SLC25A48: variants seen among roughly 807,000 people sequenced by gnomAD.
SLC25A48 encodes CTC-321K16.1.
Under a neutral mutation model 32.2 loss-of-function variants are expected in SLC25A48, and 29 were observed. The ratio of observed to expected loss-of-function variants is 0.90; its 90% CI spans 0.67 to 1.23. SLC25A48 has a LOEUF of 1.23. Ranked by LOEUF, SLC25A48 falls within the 50% of genes most tolerant of loss-of-function variation. The pLI, the probability that SLC25A48 is intolerant of heterozygous loss-of-function variation, is 0.00. For synonymous variants in SLC25A48, 164 were observed against 172.3 expected (o/e 0.95, Z 0.38); for missense variants, 399 against 422.7 (o/e 0.94, Z 0.49).
chr5:135,793,829 A>G (rs11242292), intron 3 of SLC25A48, among the ~76,000 whole-genome samples: 99,088 of 151,326 alleles, frequency 0.65, 34,397 homozygotes, highest in Non-Finnish European at 0.77. Flanking sequence ...CCATGTGTGT[A>G]CACTCTGGGA....
intron 3 of SLC25A48, among the ~76,000 whole-genome samples, chr5:135,640,738 G>T (rs1752815995): frequency 6.6e-6 from 1 of 151,722 alleles, no homozygotes; most frequent in Non-Finnish European, 1.5e-5. Flanking sequence ...GAACAAAAAA[G>T]AAAAACCATA....
intron 3 of SLC25A48, among the ~76,000 whole-genome samples, chr5:135,737,938 C>G (rs936477579): frequency 1.3e-5 from 2 of 152,190 alleles, no homozygotes; most frequent in African/African-American, 4.8e-5. Flanking sequence ...TCTACAGGAC[C>G]ATCCGAGGAG....
chr5:135,624,922 C>T (rs1301932036), intron 1 of SLC25A48, among the ~76,000 whole-genome samples: 1 of 152,184 alleles, frequency 6.6e-6, no homozygotes, highest in Non-Finnish European at 1.5e-5. Context: ...GATGTGGTTT[C>T]CTTCTCTGTA....
intron 3 of SLC25A48, among the ~76,000 whole-genome samples, chr5:135,752,635 A>G (rs1755796712): frequency 6.6e-6 from 1 of 152,182 alleles, no homozygotes; most frequent in Admixed American, 6.5e-5. Flanking sequence ...ACACAGTGTG[A>G]TATTAGGAGT....
chr5:135,744,007 T>G (rs2127002790), intron 3 of SLC25A48, among the ~76,000 whole-genome samples: 1 of 152,328 alleles, frequency 6.6e-6, no homozygotes, highest in Non-Finnish European at 1.5e-5. Flanking sequence ...AGGATAAGAT[T>G]AATCCTTCCT....
intron 4 of SLC25A48, among the ~76,000 whole-genome samples, chr5:135,815,130 T>C (rs1052560063): frequency 6.6e-6 from 1 of 152,112 alleles, no homozygotes; most frequent in Non-Finnish European, 1.5e-5. Context: ...ATCTGTGAGG[T>C]GGATGTACTC....
chr5:135,761,137 C>CTAAAAA (rs1188843867), intron 3 of SLC25A48, among the ~76,000 whole-genome samples: 36 of 151,914 alleles, frequency 2.4e-4, no homozygotes, highest in African/African-American at 8.2e-4. Flanking sequence ...CCCCCCATCT[C>CTAAAAA]TAAAAATAAA....
At chr5:135,766,839 A>G (rs970052339) in intron 3 of SLC25A48, among the ~76,000 whole-genome samples, 1 of 151,164 alleles carries the variant, frequency 6.6e-6, no homozygotes, top group African/African-American at 2.4e-5. Context: ...ATCTTGCGAT[A>G]TATTTTGTAA....
rs1377156903 is a variant in SLC25A48 at position 135,874,642 on chromosome 5, G to A, written c.813+488G>A. ...CTCTCCCACCTGAGCCCTGACCCCA[G>A]ACCTCTGGTCGTGGCTGAGGAGGCA... On this transcript the variant is annotated intron_variant, in intron 6 of 7. Coordinates refer to ENST00000681962, the MANE Select transcript of SLC25A48 (RefSeq NM_001349336.2). 4.3e-6 allele frequency: 3 copies of A among 697,898 alleles called. No individual in the cohort carries two copies. In the African/African-American group the frequency reaches 5.3e-5, roughly 12 times the overall value. The allele number at this position is 697,898 out of a possible 1,614,324, so 43.2% of individuals were successfully genotyped here.
chr5:135,796,822 G>A (rs938136253), intron 3 of SLC25A48, among the ~76,000 whole-genome samples: 2 of 151,364 alleles, frequency 1.3e-5, no homozygotes, highest in African/African-American at 4.9e-5. Flanking sequence ...AATATTGCAC[G>A]GGTGTGTGCC....
intron 1 of SLC25A48, among the ~76,000 whole-genome samples, chr5:135,602,095 T>C (rs1051108943): frequency 1.2e-4 from 18 of 152,190 alleles, no homozygotes; most frequent in African/African-American, 3.9e-4. Flanking sequence ...TTGTAAATAA[T>C]GTGTACAGAG....
At chr5:135,785,242 C>T (rs945384986) in intron 3 of SLC25A48, among the ~76,000 whole-genome samples, 3 of 152,044 alleles carry the variant, frequency 2.0e-5, no homozygotes, top group African/African-American at 7.2e-5. Flanking sequence ...ATCGTAATGT[C>T]CGGGTGGGGA....
rs191158544 is a variant in SLC25A48 at position 135,598,495 on chromosome 5, G to C, written c.-849+18898G>C. On this transcript the variant is annotated intron_variant, in intron 1 of 10. Transcript: ENST00000646290. ...ATCATGAGGTTCATCAATATGAAAA[G>C]GAAAGCTTCATTTCTTATAAAGGGT... 2.3e-3 allele frequency among the ~76,000 whole-genome samples: 346 copies of C among 152,324 alleles called. 1 individual carries two copies. The highest frequency in any genetic ancestry group is 2.4e-3 in the Non-Finnish European group (160 of 68,034).
chr5:135,799,720 C>T (rs2126641185), intron 3 of SLC25A48, among the ~76,000 whole-genome samples: 1 of 151,794 alleles, frequency 6.6e-6, no homozygotes, highest in South Asian at 2.1e-4. Context: ...TTCCTAATAT[C>T]CGCTGCAGAG....
At chr5:135,799,883 T>C (rs1015249993) in intron 3 of SLC25A48, among the ~76,000 whole-genome samples, 3 of 151,332 alleles carry the variant, frequency 2.0e-5, no homozygotes, top group Non-Finnish European at 3.0e-5. Flanking sequence ...CAGGGGAAAA[T>C]AGGATGATAT....
At chr5:135,692,600 A>T (rs1754173113) in intron 3 of SLC25A48, among the ~76,000 whole-genome samples, 1 of 152,206 alleles carries the variant, frequency 6.6e-6, no homozygotes, top group African/African-American at 2.4e-5. Context: ...TTTGCTATTA[A>T]AAAGTGCCCC....
chr5:135,646,372 T>C (rs1469718324), intron 3 of SLC25A48, among the ~76,000 whole-genome samples: 1 of 152,078 alleles, frequency 6.6e-6, no homozygotes, highest in Non-Finnish European at 1.5e-5. Flanking sequence ...GTTGATCCAA[T>C]AGTCCCTCCA....
intron 3 of SLC25A48, among the ~76,000 whole-genome samples, chr5:135,769,257 A>C (rs375820690): frequency 3.2e-5 from 1 of 31,488 alleles, no homozygotes; most frequent in East Asian, 1.0e-3. Context: ...TGTTTGCAAT[A>C]TTGGGGGGGG....
chr5:135,590,217 A>C (rs1209924794), intron 1 of SLC25A48, among the ~76,000 whole-genome samples: 1 of 152,190 alleles, frequency 6.6e-6, no homozygotes, highest in Non-Finnish European at 1.5e-5. Context: ...AGGGCCCCCA[A>C]CATGGGAAGT....
Sources: gnomAD v4.1 joint callset for allele counts (sites outside exome capture counted in the v4.1 genomes callset) on GRCh38, gnomAD v4.1.1 for gene constraint, MANE v1.5 for transcripts, NCBI Gene and HGNC (gene_info 2026-07-23, HGNC 2026-07-21) for gene names.